Variants in VRK2 observed in about 807,000 individuals in gnomAD.
VRK2 encodes the protein VRK serine/threonine kinase 2.
In VRK2, 60 loss-of-function variants were observed where a neutral mutation model predicts 57.6. That is an observed-to-expected ratio of 1.04 (90% CI 0.85 to 1.29). VRK2 has a LOEUF of 1.29. Among genes scored for constraint, VRK2 ranks in the 50% most tolerant of loss-of-function variants. The pLI is 0.00. For synonymous variants in VRK2, 231 were observed against 199.2 expected, an observed-to-expected ratio of 1.16 and a Z score of -1.35; for missense variants, 705 against 588.1, an observed-to-expected ratio of 1.20 and a Z score of -2.06.
chr2:58,084,482 A>G (rs966867529), intron 3 of VRK2, among the ~76,000 whole-genome samples: 3 of 151,852 alleles, frequency 2.0e-5, no homozygotes, highest in Admixed American at 2.0e-4. Context: ...TGAATGAAAT[A>G]TAGTAGACCA....
intron 2 of VRK2, among the ~76,000 whole-genome samples, chr2:58,076,208 A>G (rs1022520578): frequency 4.0e-5 from 6 of 150,330 alleles, no homozygotes; most frequent in Admixed American, 6.7e-5. Context: ...TGCTCCTTAC[A>G]GTGGGGTTAT....
intron 1 of VRK2, among the ~76,000 whole-genome samples, chr2:57,935,997 A>G (rs1670892171): frequency 1.3e-5 from 2 of 152,188 alleles, no homozygotes; most frequent in African/African-American, 4.8e-5. Flanking sequence ...CATTCTCAAA[A>G]TTGCTGCATC....
rs376060642 is a variant in VRK2, at chr2:58,055,169, C to T, written c.136+6202C>T. The stretch of plus-strand genomic sequence containing the variant: ...CTTTTGCTGCGTTCTGCATGCTGCC[C>T]CTCCAAACCCATCTTTGATTGGCAC... On this transcript the variant is annotated intron_variant, in intron 2 of 12. Coordinates refer to ENST00000340157, the MANE Select transcript of VRK2 (RefSeq NM_006296.7). Among the ~76,000 whole-genome samples, 45 of 152,272 alleles carry T rather than the reference C, an allele frequency of 3.0e-4. No individual in the cohort carries two copies. The South Asian group carries it at 9.1e-3, about 31-fold the overall frequency.
chr2:58,110,334 T>C (rs943144374), intron 7 of VRK2, among the ~76,000 whole-genome samples: 6 of 152,202 alleles, frequency 3.9e-5, no homozygotes, highest in Non-Finnish European at 8.8e-5. Flanking sequence ...GGGCATAATA[T>C]ATTCCTATTT....
upstream of VRK2, among the ~76,000 whole-genome samples, chr2:58,046,171 C>A (rs141084557): frequency 6.6e-3 from 1,004 of 152,278 alleles, 12 homozygotes; most frequent in African/African-American, 0.023. Context: ...TATTAGAAAA[C>A]TGCTTAATAA....
At chr2:57,995,917 C>T (rs1672909670) in intron 1 of VRK2, among the ~76,000 whole-genome samples, 1 of 152,196 alleles carries the variant, frequency 6.6e-6, no homozygotes, top group Non-Finnish European at 1.5e-5. Flanking sequence ...GCAAAGTGCA[C>T]TCAGTCTTCT....
In VRK2 at chr2:58,020,443, A is replaced by G. The variant is rs541036531; in HGVS notation, c.-438-5222A>G. Among the ~76,000 whole-genome samples the G allele has an allele frequency of 3.4e-4, 52 of 152,362 alleles. 1 individual carries two copies. In the Middle Eastern group the frequency reaches 0.024, roughly 70 times the overall value. Reference sequence around the variant, plus strand: ...TGGTCTTGAACTCCTGGCCTCAAGCAGTCTTCCTGCCTCAGCCTCCCAAGT... The same window carrying G: ...TGGTCTTGAACTCCTGGCCTCAAGCGGTCTTCCTGCCTCAGCCTCCCAAGT... On this transcript the variant is annotated intron_variant, in intron 1 of 15. Transcript: ENST00000417641.
At chr2:58,010,100 C>CTTTACTTATCTCA (rs1673375359) in intron 1 of VRK2, among the ~76,000 whole-genome samples, 1 of 152,134 alleles carries the variant, frequency 6.6e-6, no homozygotes, top group Admixed American at 6.5e-5. Flanking sequence ...TCTCCACTAC[C>CTTTACTTATCTCA]TGGCTCCTTT....
intron 1 of VRK2, among the ~76,000 whole-genome samples, chr2:57,977,819 G>C (rs527604792): frequency 1.3e-5 from 2 of 151,278 alleles, no homozygotes; most frequent in East Asian, 3.9e-4. Context: ...AATGATTCCA[G>C]CTTCTGCTCG....
intron 1 of VRK2, among the ~76,000 whole-genome samples, chr2:57,935,254 TA>T (rs1254790190): frequency 2.6e-5 from 4 of 152,284 alleles, no homozygotes; most frequent in Admixed American, 2.0e-4. Context: ...TCAGCCCAGC[TA>T]AAGATTCTTA....
intron 1 of VRK2, among the ~76,000 whole-genome samples, chr2:58,004,441 A>G (rs1056817366): frequency 6.6e-6 from 1 of 152,124 alleles, no homozygotes; most frequent in African/African-American, 2.4e-5. Context: ...ATGGCAATTG[A>G]CTGTTTTCTA....
At chr2:57,943,523 C>T (rs146360205) in intron 1 of VRK2, among the ~76,000 whole-genome samples, 3 of 152,230 alleles carry the variant, frequency 2.0e-5, no homozygotes, top group South Asian at 2.1e-4. Flanking sequence ...TCTGGCACTT[C>T]CCTAAGGACA....
intron 1 of VRK2, among the ~76,000 whole-genome samples, chr2:58,025,176 A>G (rs1274222600): frequency 2.0e-5 from 3 of 152,282 alleles, no homozygotes; most frequent in South Asian, 4.1e-4. Flanking sequence ...GCTTATTCCA[A>G]GATATGTGAC....
intron 2 of VRK2, among the ~76,000 whole-genome samples, chr2:58,061,280 G>A (rs1324688572): frequency 6.6e-6 from 1 of 151,866 alleles, no homozygotes; most frequent in Admixed American, 6.6e-5. Context: ...GAGTTTATTA[G>A]TGTTAATGTT....
chr2:58,123,931 C>T (rs1454376321), intron 8 of VRK2, among the ~76,000 whole-genome samples: 2 of 151,772 alleles, frequency 1.3e-5, no homozygotes, highest in Non-Finnish European at 2.9e-5. Flanking sequence ...TTAGAAGATA[C>T]ATCTCTCAGC....
At chr2:57,984,610 G>A (rs1270518843) in intron 1 of VRK2, among the ~76,000 whole-genome samples, 1 of 152,036 alleles carries the variant, frequency 6.6e-6, no homozygotes, top group African/African-American at 2.4e-5. Flanking sequence ...TAATAAAGAT[G>A]CTTAACTCAA....
intron 1 of VRK2, among the ~76,000 whole-genome samples, chr2:58,005,299 G>A (rs968807447): frequency 6.6e-6 from 1 of 152,064 alleles, no homozygotes; most frequent in Non-Finnish European, 1.5e-5. Context: ...TTCTAAAAAT[G>A]TAGAATCTTC....
At chr2:57,938,524 A>G (rs1380120375) in intron 1 of VRK2, among the ~76,000 whole-genome samples, 1 of 152,230 alleles carries the variant, frequency 6.6e-6, no homozygotes, top group Non-Finnish European at 1.5e-5. Flanking sequence ...TACTTTCTAG[A>G]AAACAGGATA....
At chr2:58,116,920 C>T (rs1158487179) in intron 7 of VRK2, among the ~76,000 whole-genome samples, 6 of 152,088 alleles carry the variant, frequency 3.9e-5, no homozygotes, top group Non-Finnish European at 5.9e-5. Context: ...CTGGCTGCTG[C>T]GGTTCAGGCG....
Sources: allele counts gnomAD v4.1 joint callset (sites outside exome capture counted in the v4.1 genomes callset), GRCh38; gene constraint gnomAD v4.1.1; transcripts MANE v1.5; gene names NCBI Gene and HGNC (gene_info 2026-07-23, HGNC 2026-07-21).